The following UGGT2 variants were observed in gnomAD, a reference collection of about 807,000 sequenced individuals.
UGGT2 encodes the protein UDP-glucose glycoprotein glucosyltransferase 2, also known as UDP-glucose:glycoprotein glucosyltransferase 2.
UGGT2 carries 180 observed loss-of-function variants against 192.1 expected under a neutral mutation model. That is an observed-to-expected ratio of 0.94 (90% CI 0.83 to 1.06). UGGT2 has a LOEUF of 1.06. Among genes scored for constraint, UGGT2 ranks in the 50% least tolerant of loss-of-function variants. The probability of loss-of-function intolerance (pLI) is 0.00; values close to 1 mark genes in which losing one functional copy is unlikely to be tolerated. For missense variants in UGGT2, 1,849 were observed against 1,795.7 expected, an observed-to-expected ratio of 1.03 and a Z score of -0.54; for synonymous variants, 580 against 591.0, an observed-to-expected ratio of 0.98 and a Z score of 0.27.
chr13:95,933,078 T>G (rs1479491778), intron 17 of UGGT2, among the ~76,000 whole-genome samples: 1 of 152,216 alleles, frequency 6.6e-6, no homozygotes, highest in South Asian at 2.1e-4. Flanking sequence ...GGTATCAGGA[T>G]AACACAGGTT....
At chr13:95,942,281 A>G (rs992895623) in intron 15 of UGGT2, among the ~76,000 whole-genome samples, 2 of 139,036 alleles carry the variant, frequency 1.4e-5, no homozygotes, top group Admixed American at 7.2e-5. Context: ...TGTTGTCTGT[A>G]GGAAATGTGG....
chr13:95,860,823 T>G lies in UGGT2; in HGVS notation c.3705A>C (p.Ser1235=). 2 of 1,566,688 alleles carry G rather than the reference T, an allele frequency of 1.3e-6. No homozygotes were observed. Among genetic ancestry groups the G allele is most frequent in the African/African-American group, 2.7e-5 (2 of 73,154 alleles). ...GTTCATATAAATGACCAGAAGCAAC[T>G]GAAAAAATGTTTAGGACATCTTTTT... ...KKEKDVLNIF[S]VASGHLYERF... The change falls in exon 32 of 39, where the codon TCA becomes TCC. Residue 1235 remains serine, a synonymous_variant. Coordinates refer to ENST00000376747, the MANE Select transcript of UGGT2 (RefSeq NM_020121.4).
chr13:95,918,911 A>G (rs906836059), intron 20 of UGGT2, among the ~76,000 whole-genome samples: 1 of 152,202 alleles, frequency 6.6e-6, no homozygotes, highest in African/African-American at 2.4e-5. Flanking sequence ...TGGCAGAAAT[A>G]CAACAAAAAA....
At chr13:95,909,451 A>T (rs1160487456) in intron 20 of UGGT2, among the ~76,000 whole-genome samples, 1 of 151,446 alleles carries the variant, frequency 6.6e-6, no homozygotes, top group Non-Finnish European at 1.5e-5. Flanking sequence ...TGTCCTTTGT[A>T]GGGACATGGA....
At chr13:95,981,727 C>T (rs1198531760) in intron 10 of UGGT2, among the ~76,000 whole-genome samples, 1 of 152,198 alleles carries the variant, frequency 6.6e-6, no homozygotes, top group Non-Finnish European at 1.5e-5. Flanking sequence ...AACAGAAACA[C>T]ATTTCCAGGG....
At chr13:95,918,958 T>C (rs2048761883) in intron 20 of UGGT2, among the ~76,000 whole-genome samples, 1 of 152,152 alleles carries the variant, frequency 6.6e-6, no homozygotes, top group South Asian at 2.1e-4. Flanking sequence ...TGAACATCAA[T>C]GCAAAAATCC....
chr13:95,866,488 C>T (rs558782454), intron 30 of UGGT2, among the ~76,000 whole-genome samples: 56 of 152,200 alleles, frequency 3.7e-4, no homozygotes, highest in African/African-American at 1.2e-3. Context: ...TTCCAGATAC[C>T]GCTATATCCT....
intron 1 of UGGT2, among the ~76,000 whole-genome samples, chr13:96,032,427 G>C (rs1479332945): frequency 6.6e-6 from 1 of 152,012 alleles, no homozygotes. Context: ...GCCTTTACTT[G>C]TGTAGAAAAT....
intron 10 of UGGT2, among the ~76,000 whole-genome samples, chr13:95,978,904 A>G (rs1231333803): frequency 6.6e-6 from 1 of 152,240 alleles, no homozygotes; most frequent in Non-Finnish European, 1.5e-5. Flanking sequence ...TATAATTCTC[A>G]CACAAAGTAG....
intron 12 of UGGT2, 101 bp downstream of exon 12, chr13:95,970,011 C>T: frequency 1.6e-6 from 2 of 1,265,094 alleles, no homozygotes; most frequent in Non-Finnish European, 2.2e-6. Flanking sequence ...AGAACTGTTC[C>T]AAAATGCTGA....
intron 3 of UGGT2, 50 bp from the exon 4 acceptor site, chr13:96,023,202 T>C (rs1427246790): frequency 6.8e-7 from 1 of 1,465,394 alleles, no homozygotes. Context: ...AATTACAATA[T>C]GATTTTAAAA....
At chr13:96,048,038 T>C (rs2053370808) in intron 1 of UGGT2, among the ~76,000 whole-genome samples, 1 of 152,186 alleles carries the variant, frequency 6.6e-6, no homozygotes, top group South Asian at 2.1e-4. Context: ...TATACGTTCT[T>C]CTCAGCACCA....
intron 38 of UGGT2, among the ~76,000 whole-genome samples, chr13:95,806,568 T>G (rs966035450): frequency 2.6e-5 from 4 of 152,110 alleles, no homozygotes; most frequent in African/African-American, 9.7e-5. Flanking sequence ...AAAATTCATA[T>G]GAAATCTTGA....
intron 5 of UGGT2, among the ~76,000 whole-genome samples, chr13:96,002,907 T>C (rs2051853511): frequency 6.6e-6 from 1 of 152,172 alleles, no homozygotes; most frequent in Admixed American, 6.5e-5. Flanking sequence ...AAAGCCAAGC[T>C]CTGTTCCCAT....
chr13:95,833,867 A>G (rs1227416298), intron 37 of UGGT2, among the ~76,000 whole-genome samples: 1 of 152,172 alleles, frequency 6.6e-6, no homozygotes. Flanking sequence ...CCCATTCACT[A>G]TTTACAAAGA....
chr13:95,928,379 A>G (rs1039622237), intron 17 of UGGT2, among the ~76,000 whole-genome samples: 1 of 83,774 alleles, frequency 1.2e-5, no homozygotes, highest in Non-Finnish European at 3.6e-5. Flanking sequence ...CCGGGCGGAG[A>G]CGCTCCTCAC....
intron 38 of UGGT2, among the ~76,000 whole-genome samples, chr13:95,808,533 C>A (rs983326978): frequency 6.6e-6 from 1 of 150,780 alleles, no homozygotes; most frequent in Admixed American, 6.6e-5. Flanking sequence ...TTGGTTGGGT[C>A]GAGGATCAGC....
At chr13:96,005,946 A>G (rs2139038347) in intron 5 of UGGT2, among the ~76,000 whole-genome samples, 2 of 152,304 alleles carry the variant, frequency 1.3e-5, no homozygotes, top group Middle Eastern at 3.4e-3. Context: ...GAACACCTCA[A>G]TCCTGCATAC....
intron 10 of UGGT2, among the ~76,000 whole-genome samples, chr13:95,972,933 G>T (rs1367282501): frequency 6.6e-6 from 1 of 152,248 alleles, no homozygotes; most frequent in Non-Finnish European, 1.5e-5. Context: ...AACTTTGGGA[G>T]GCCGAGGTGG....
Sources: gnomAD v4.1 joint callset for allele counts (sites outside exome capture counted in the v4.1 genomes callset) on GRCh38, gnomAD v4.1.1 for gene constraint, MANE v1.5 for transcripts, NCBI Gene and HGNC (gene_info 2026-07-23, HGNC 2026-07-21) for gene names.